Variants in DAB2IP observed in about 807,000 individuals in gnomAD.
DAB2IP encodes DAB2 interacting protein.
A neutral mutation model predicts 107.2 loss-of-function variants in DAB2IP; 28 were observed. That is an observed-to-expected ratio of 0.26 (90% confidence interval 0.19 to 0.36). The LOEUF is 0.36. DAB2IP is among the 10% of genes least tolerant of loss of function. The pLI is 1.00. For synonymous variants in DAB2IP, 755 were observed against 706.4 expected (o/e 1.07, Z -1.09); for missense variants, 1,400 against 1,644.7 (o/e 0.85, Z 2.57).
intron 1 of DAB2IP, among the ~76,000 whole-genome samples, chr9:121,596,238 G>A (rs900613320): frequency 2.0e-5 from 3 of 152,200 alleles, no homozygotes; most frequent in African/African-American, 7.2e-5. Flanking sequence ...GACTGAGACA[G>A]GAGAATCTCT....
At chr9:121,677,812 A>G (rs777979896) in intron 1 of DAB2IP, among the ~76,000 whole-genome samples, 65 of 151,870 alleles carry the variant, frequency 4.3e-4, no homozygotes, top group Non-Finnish European at 8.7e-4. Context: ...CAGGCACACA[A>G]CACCACACCT....
At chr9:121,775,589 C>T (rs923746854) in intron 13 of DAB2IP, among the ~76,000 whole-genome samples, 4 of 152,238 alleles carry the variant, frequency 2.6e-5, no homozygotes, top group South Asian at 4.1e-4. Flanking sequence ...TTCCCAGCCT[C>T]GTCCACATCC....
intron 3 of DAB2IP, among the ~76,000 whole-genome samples, chr9:121,733,092 G>A (rs899776248): frequency 3.3e-5 from 5 of 152,184 alleles, no homozygotes; most frequent in African/African-American, 1.2e-4. Flanking sequence ...GTGGTCTCTT[G>A]TACCTTGTGG....
chr9:121,636,642 A>C (rs1422805807), intron 1 of DAB2IP, among the ~76,000 whole-genome samples: 1 of 152,182 alleles, frequency 6.6e-6, no homozygotes, highest in African/African-American at 2.4e-5. Flanking sequence ...TGAGGTAAGC[A>C]GCTTGGCCTG....
At chr9:121,686,190 C>A (rs991491510) in intron 2 of DAB2IP, among the ~76,000 whole-genome samples, 1 of 152,152 alleles carries the variant, frequency 6.6e-6, no homozygotes, top group African/African-American at 2.4e-5. Flanking sequence ...TTCCAACCCC[C>A]CCAACATCTG....
At chr9:121,583,656 G>A (rs1032686140) in intron 1 of DAB2IP, among the ~76,000 whole-genome samples, 1 of 151,694 alleles carries the variant, frequency 6.6e-6, no homozygotes, top group African/African-American at 2.4e-5. Flanking sequence ...TGGGGGGGAT[G>A]GGTGGGGGGT....
At chr9:121,752,557 C>A (rs546420453) in intron 3 of DAB2IP, among the ~76,000 whole-genome samples, 1 of 152,226 alleles carries the variant, frequency 6.6e-6, no homozygotes, top group South Asian at 2.1e-4. Context: ...GGCACTGAAG[C>A]TGGGTGCTGA....
At chr9:121,617,360 G>A (rs769920801) in intron 1 of DAB2IP, among the ~76,000 whole-genome samples, 3 of 152,122 alleles carry the variant, frequency 2.0e-5, no homozygotes, top group Non-Finnish European at 4.4e-5. Context: ...GGGGAGTAGC[G>A]AGTAAATTTG....
At chr9:121,705,321 CT>C (rs1830005165) in intron 3 of DAB2IP, among the ~76,000 whole-genome samples, 2 of 152,166 alleles carry the variant, frequency 1.3e-5, no homozygotes, top group Non-Finnish European at 2.9e-5. Flanking sequence ...TGTTAATGTC[CT>C]TATACATGTC....
chr9:121,722,029 C>G (rs1830966745), intron 3 of DAB2IP, among the ~76,000 whole-genome samples: 1 of 152,188 alleles, frequency 6.6e-6, no homozygotes, highest in Non-Finnish European at 1.5e-5. Flanking sequence ...CAGTCAGCAG[C>G]GTTTACCCAA....
intron 1 of DAB2IP, among the ~76,000 whole-genome samples, chr9:121,674,557 C>T (rs1386507670): frequency 6.6e-6 from 1 of 152,158 alleles, no homozygotes; most frequent in Non-Finnish European, 1.5e-5. Context: ...GGGGTGTAGC[C>T]AGGGCTTCTG....
upstream of DAB2IP, among the ~76,000 whole-genome samples, chr9:121,649,223 A>AT (rs146062729): frequency 1.4e-5 from 2 of 144,970 alleles, no homozygotes; most frequent in East Asian, 2.1e-4. Flanking sequence ...TCACTAGCTG[A>AT]CCCTCCTTCC....
intron 1 of DAB2IP, among the ~76,000 whole-genome samples, chr9:121,589,371 C>T (rs115256924): frequency 7.9e-4 from 120 of 152,302 alleles, no homozygotes; most frequent in Middle Eastern, 3.4e-3. Context: ...TCCCTGAGCA[C>T]GCTGGCTGTT....
At chr9:121,756,905 G>C in intron 3 of DAB2IP, 108 bp from the exon 4 acceptor site, 2 of 1,423,748 alleles carry the variant, frequency 1.4e-6, no homozygotes, top group Non-Finnish European at 2.0e-6. Context: ...GAGTGGAGAG[G>C]AGTGGCTGCC....
intron 3 of DAB2IP, among the ~76,000 whole-genome samples, chr9:121,738,151 A>G (rs1489878970): frequency 2.0e-5 from 3 of 152,160 alleles, no homozygotes; most frequent in African/African-American, 7.2e-5. Context: ...CTGCTGACCT[A>G]GGCTCAGGGA....
chr9:121,626,424 CT>C (rs59085032), intron 1 of DAB2IP, among the ~76,000 whole-genome samples: 67,983 of 114,372 alleles, frequency 0.59, 20,705 homozygotes, highest in Non-Finnish European at 0.71. Flanking sequence ...GACGAGAAAC[CT>C]TTTTTTTTTT....
At chr9:121,682,069 G>C (rs1170014929) in intron 2 of DAB2IP, among the ~76,000 whole-genome samples, 1 of 152,214 alleles carries the variant, frequency 6.6e-6, no homozygotes, top group Non-Finnish European at 1.5e-5. Context: ...TTGGGGGAAG[G>C]TCAGTGGTGA....
At chr9:121,578,323 C>G (rs1047044420) in intron 1 of DAB2IP, among the ~76,000 whole-genome samples, 1 of 152,046 alleles carries the variant, frequency 6.6e-6, no homozygotes, top group African/African-American at 2.4e-5. Context: ...GCCTCTCTCT[C>G]TCTCTTTCTC....
At chr9:121,655,356 C>G (rs1832928307) in intron 1 of DAB2IP, among the ~76,000 whole-genome samples, 1 of 151,278 alleles carries the variant, frequency 6.6e-6, no homozygotes. Flanking sequence ...CCCAGGGCTG[C>G]TAGGAGAAAC....
Sources: gnomAD v4.1 joint callset for allele counts (sites outside exome capture counted in the v4.1 genomes callset) on GRCh38, gnomAD v4.1.1 for gene constraint, MANE v1.5 for transcripts, NCBI Gene and HGNC (gene_info 2026-07-23, HGNC 2026-07-21) for gene names.